Variants in METAP1D observed in about 807,000 individuals in gnomAD.
METAP1D encodes methionine aminopeptidase 1D, mitochondrial.
In METAP1D, 31 loss-of-function variants were observed where a neutral mutation model predicts 40.5. The observed-to-expected ratio is 0.77, with a 90% CI of 0.58 to 1.03. The LOEUF is 1.03. Among genes scored for constraint, METAP1D ranks in the 50% least tolerant of loss-of-function variants. The probability of loss-of-function intolerance (pLI) is 0.00; values close to 1 mark genes in which losing one functional copy is unlikely to be tolerated. For synonymous variants in METAP1D, 151 were observed against 146.4 expected, an observed-to-expected ratio of 1.03 and a Z score of -0.22; for missense variants, 411 against 420.7, an observed-to-expected ratio of 0.98 and a Z score of 0.20.
At chr2:172,031,970 T>C (rs1050768308) in intron 1 of METAP1D, among the ~76,000 whole-genome samples, 5 of 152,216 alleles carry the variant, frequency 3.3e-5, no homozygotes, top group African/African-American at 1.2e-4. Flanking sequence ...GCCCGGCTGG[T>C]CAAACATGTG....
intron 1 of METAP1D, among the ~76,000 whole-genome samples, chr2:172,054,521 A>AAAGT (rs138602362): frequency 6.7e-6 from 1 of 149,228 alleles, no homozygotes; most frequent in Non-Finnish European, 1.5e-5. Context: ...ACTCTGTCTC[A>AAAGT]AAATAAATAA....
At chr2:172,059,418 C>A (rs1315003139) in intron 1 of METAP1D, among the ~76,000 whole-genome samples, 1 of 152,124 alleles carries the variant, frequency 6.6e-6, no homozygotes, top group Non-Finnish European at 1.5e-5. Context: ...CAGGATTCAG[C>A]AAATGTCTCC....
rs1690707596 is a variant in METAP1D at position 172,081,258 on chromosome 2, T to C, written c.*852T>C. On this transcript the variant is annotated 3_prime_UTR_variant, in exon 10 of 10. Transcript: ENST00000315796. ...GCCCCACTCGCCCAGGTGTGAACAGTGGCTGATTAGTGGGCGGTCTAGTCT... is the reference window on the plus strand; with the variant it reads ...GCCCCACTCGCCCAGGTGTGAACAGCGGCTGATTAGTGGGCGGTCTAGTCT... 1 of 150,624 alleles carries C rather than the reference T, an allele frequency of 6.6e-6. No homozygotes were observed. The highest frequency in any genetic ancestry group is 2.1e-4 in the South Asian group (1 of 4,732). The allele number at this position is 150,624 out of a possible 1,614,324, so 9.3% of individuals were successfully genotyped here.
intron 4 of METAP1D, 142 bp from the exon 5 acceptor site, chr2:172,066,122 T>C: frequency 1.5e-6 from 1 of 653,150 alleles, no homozygotes; most frequent in Non-Finnish European, 2.6e-6. Flanking sequence ...AGATTAGATT[T>C]AGTTATCCTG....
intron 1 of METAP1D, among the ~76,000 whole-genome samples, chr2:172,031,254 G>A (rs1450944278): frequency 6.6e-6 from 1 of 152,066 alleles, no homozygotes; most frequent in African/African-American, 2.4e-5. Context: ...TTATCACTCT[G>A]GGTTTTGCCA....
rs564476139 is a variant in METAP1D at position 172,044,767 on chromosome 2, G to A, written c.41-16731G>A. On this transcript the variant is annotated intron_variant, in intron 1 of 9. Transcript: ENST00000315796. ...ACTTAAAATACAAAATTAGCTGGTC[G>A]TGGTGGCACATGCCTGTAATCCCAG... Among the ~76,000 whole-genome samples the A allele has an allele frequency of 3.7e-5, 5 of 133,792 alleles. 1 individual carries two copies. The East Asian group carries it at 1.0e-3, about 27-fold the overall frequency. 87.8% of individuals were successfully genotyped at this position (133,792 alleles called of 152,430 possible).
At chr2:172,027,003 C>T (rs913615998) in intron 1 of METAP1D, among the ~76,000 whole-genome samples, 1 of 152,114 alleles carries the variant, frequency 6.6e-6, no homozygotes, top group African/African-American at 2.4e-5. Flanking sequence ...TCCTTCAGGG[C>T]AACATAAAGG....
At chr2:172,057,895 G>A (rs1220776277) in intron 1 of METAP1D, among the ~76,000 whole-genome samples, 1 of 151,944 alleles carries the variant, frequency 6.6e-6, no homozygotes, top group Non-Finnish European at 1.5e-5. Flanking sequence ...AAGCTATACT[G>A]GAGGTCATGT....
At chr2:172,062,123 A>C (rs1416753705) in intron 2 of METAP1D, 1 of 151,710 alleles carries the variant, frequency 6.6e-6, no homozygotes, top group Non-Finnish European at 1.5e-5. Context: ...AATATGTCTC[A>C]GAGCAGTCTT....
At chr2:172,033,811 G>A (rs924667372) in intron 1 of METAP1D, among the ~76,000 whole-genome samples, 3 of 151,828 alleles carry the variant, frequency 2.0e-5, no homozygotes, top group African/African-American at 7.3e-5. Flanking sequence ...GCCGGGTATG[G>A]TGGCTCACGG....
chr2:172,049,414 T>C (rs1689839398), intron 1 of METAP1D, among the ~76,000 whole-genome samples: 1 of 151,008 alleles, frequency 6.6e-6, no homozygotes, highest in African/African-American at 2.4e-5. Context: ...TATACATATT[T>C]ATATTTATGT....
intron 1 of METAP1D, among the ~76,000 whole-genome samples, chr2:172,035,051 C>A (rs1385395270): frequency 6.6e-6 from 1 of 150,770 alleles, no homozygotes; most frequent in Non-Finnish European, 1.5e-5. Context: ...TAACTCCCAG[C>A]ATTTTATTGT....
intron 1 of METAP1D, among the ~76,000 whole-genome samples, chr2:172,031,343 G>A (rs1346322644): frequency 6.6e-6 from 1 of 152,158 alleles, no homozygotes; most frequent in Non-Finnish European, 1.5e-5. Context: ...AGAGGGTAGG[G>A]ATCTTGGTGG....
In METAP1D at chr2:172,065,614, C is replaced by G; in HGVS notation, c.359C>G (p.Thr120Arg). The G allele has an allele frequency of 6.2e-7, 1 of 1,613,350 alleles. No homozygotes were observed. The highest frequency in any genetic ancestry group is 8.5e-7 in the Non-Finnish European group (1 of 1,179,752). ...LAGKSLKVDM[T>R]TEEIDALVHR... ...TATTTAACATTTTAGGTTGACATGA[C>G]AACTGAAGAGATAGATGCTCTTGTT... Residue 120 changes from threonine to arginine, a missense_variant, in exon 4 of 10, where the codon ACA becomes AGA. Thr to Arg is a moderately conservative substitution (Grantham distance 71). Transcript: ENST00000315796.
intron 1 of METAP1D, among the ~76,000 whole-genome samples, chr2:172,061,164 C>T (rs1238016481): frequency 3.3e-5 from 5 of 152,270 alleles, no homozygotes; most frequent in Admixed American, 6.5e-5. Flanking sequence ...AATCTAGGGT[C>T]GTCTTGGACA....
intron 5 of METAP1D, 100 bp downstream of exon 5, chr2:172,066,406 C>T (rs776326764): frequency 2.1e-5 from 20 of 943,272 alleles, no homozygotes; most frequent in Non-Finnish European, 2.8e-5. Context: ...AGTGGAAGTG[C>T]TGTTTACTTC....
At chr2:172,036,007 C>G (rs976928825) in intron 1 of METAP1D, among the ~76,000 whole-genome samples, 2 of 151,584 alleles carry the variant, frequency 1.3e-5, no homozygotes, top group Admixed American at 1.3e-4. Flanking sequence ...ATTTTTTTTG[C>G]TGTATAGTCT....
chr2:172,043,118 T>TA (rs1689659321), intron 1 of METAP1D, among the ~76,000 whole-genome samples: 5 of 42,348 alleles, frequency 1.2e-4, no homozygotes, highest in African/African-American at 4.2e-4. Flanking sequence ...TATATATATA[T>TA]TTTTTGGGAT....
chr2:172,068,520 C>CTTTTTT (rs113011377), intron 5 of METAP1D, among the ~76,000 whole-genome samples: 8 of 147,978 alleles, frequency 5.4e-5, no homozygotes, highest in Non-Finnish European at 1.2e-4. Context: ...TTTAAGTAGT[C>CTTTTTT]TTTTTTTTTT....
Sources: allele counts gnomAD v4.1 joint callset (sites outside exome capture counted in the v4.1 genomes callset), GRCh38; gene constraint gnomAD v4.1.1; transcripts MANE v1.5; gene names NCBI Gene and HGNC (gene_info 2026-07-23, HGNC 2026-07-21).